Variants in RANBP2 observed in about 807,000 individuals in gnomAD.
The protein encoded by RANBP2 is RAN binding protein 2, also known as E3 SUMO-protein ligase RanBP2.
In RANBP2, 57 loss-of-function variants were observed where a neutral mutation model predicts 303.6. The ratio of observed to expected loss-of-function variants is 0.19; its 90% CI spans 0.15 to 0.23. The LOEUF is 0.23. Among genes scored for constraint, RANBP2 ranks in the 10% least tolerant of loss-of-function variants. The pLI is 1.00. For missense variants in RANBP2, 3,138 were observed against 3,780.8 expected, an observed-to-expected ratio of 0.83 and a Z score of 4.46; for synonymous variants, 1,167 against 1,301.5, an observed-to-expected ratio of 0.90 and a Z score of 2.23.
chr2:109,479,061 T>C, the RANBP2 span, among the ~76,000 whole-genome samples: 2 of 152,322 alleles, frequency 1.3e-5, no homozygotes, highest in South Asian at 2.1e-4. Flanking sequence ...TGTTGACTGC[T>C]GGCTGGAACC....
chr2:109,013,073 A>G, the RANBP2 span, among the ~76,000 whole-genome samples: 1 of 152,202 alleles, frequency 6.6e-6, no homozygotes, highest in Non-Finnish European at 1.5e-5. Context: ...CTTATTTAAG[A>G]TTTTGCAGAA....
At chr2:108,989,583 CTGTT>C in the RANBP2 span, among the ~76,000 whole-genome samples, 2 of 152,146 alleles carry the variant, frequency 1.3e-5, no homozygotes, top group Non-Finnish European at 2.9e-5. Context: ...TCCAACATGT[CTGTT>C]CACATTCTCA....
Position 108,751,536 on chromosome 2 carries a change from C to T in RANBP2, c.1464C>T (p.Leu488=), listed in dbSNP as rs781095524. The part of the protein sequence containing the change: ...SICILDLEVF[L]LGVVYTSHLQ... ...TTCCTTAAATAAAACAGGTATTTCTCCTTGGAGTAGTATATACCAGCCACT... is the reference window on the plus strand; with the variant it reads ...TTCCTTAAATAAAACAGGTATTTCTTCTTGGAGTAGTATATACCAGCCACT... The change falls in exon 11 of 29, where the codon CTC becomes CTT. Residue 488 remains leucine, a synonymous_variant. Transcript: ENST00000283195. 6.2e-7 allele frequency: 1 copy of T among 1,610,724 alleles called. No individual in the cohort carries two copies. Among genetic ancestry groups the T allele is most frequent in the Admixed American group, 1.7e-5 (1 of 59,920 alleles).
chr2:109,502,195 GGGT>G, the RANBP2 span: 1 of 152,630 alleles, frequency 6.6e-6, no homozygotes, highest in African/African-American at 2.4e-5. Context: ...GAGGCCCTGG[GGGT>G]GCCCCGGAAG....
chr2:109,161,851 T>C, the RANBP2 span, among the ~76,000 whole-genome samples: 1 of 151,904 alleles, frequency 6.6e-6, no homozygotes, highest in Non-Finnish European at 1.5e-5. Flanking sequence ...CCGTCCAACA[T>C]TGGGGATCAC....
At chr2:109,670,328 G>C in the RANBP2 span, among the ~76,000 whole-genome samples, 1 of 148,508 alleles carries the variant, frequency 6.7e-6, no homozygotes, top group Non-Finnish European at 1.5e-5. Context: ...GTGGGGGTGG[G>C]GGTTGGTTGG....
the RANBP2 span, among the ~76,000 whole-genome samples, chr2:108,843,891 T>C: frequency 4.2e-5 from 6 of 141,574 alleles, no homozygotes; most frequent in South Asian, 4.7e-4. Context: ...TCTTTCTTTT[T>C]TTTTTTTTTT....
the RANBP2 span, among the ~76,000 whole-genome samples, chr2:109,684,186 C>A: frequency 6.6e-6 from 1 of 151,826 alleles, no homozygotes; most frequent in East Asian, 1.9e-4. Flanking sequence ...AAATGATCCA[C>A]CCGCCTTAGC....
At chr2:109,351,346 A>C in the RANBP2 span, among the ~76,000 whole-genome samples, 1 of 152,224 alleles carries the variant, frequency 6.6e-6, no homozygotes, top group Non-Finnish European at 1.5e-5. Flanking sequence ...TCGCCTTCCC[A>C]GTCTCAGGAT....
At chr2:109,306,387 A>AT in the RANBP2 span, among the ~76,000 whole-genome samples, 1 of 152,174 alleles carries the variant, frequency 6.6e-6, no homozygotes, top group Non-Finnish European at 1.5e-5. Flanking sequence ...GTGCTTGGAG[A>AT]TTCCTCCTGG....
At chr2:108,803,441 A>AT in the RANBP2 span, among the ~76,000 whole-genome samples, 3 of 151,654 alleles carry the variant, frequency 2.0e-5, no homozygotes, top group African/African-American at 4.8e-5. Context: ...TTAAAAAAAA[A>AT]TTTTTTTTTA....
At chr2:109,157,754 A>G in the RANBP2 span, among the ~76,000 whole-genome samples, 1 of 152,180 alleles carries the variant, frequency 6.6e-6, no homozygotes, top group African/African-American at 2.4e-5. Flanking sequence ...TCTTGATGTC[A>G]TCAACAGGGA....
At chr2:109,279,296 G>A in the RANBP2 span, among the ~76,000 whole-genome samples, 1 of 152,216 alleles carries the variant, frequency 6.6e-6, no homozygotes, top group Admixed American at 6.5e-5. Flanking sequence ...GTTAACTGCT[G>A]CAAAGGGATT....
chr2:108,899,673 A>G, the RANBP2 span, among the ~76,000 whole-genome samples: 21,629 of 152,174 alleles, frequency 0.14, 2,645 homozygotes, highest in African/African-American at 0.33. Flanking sequence ...TTTATACTTC[A>G]TTCAAACTGG....
chr2:109,344,140 A>G, the RANBP2 span, among the ~76,000 whole-genome samples: 2 of 152,140 alleles, frequency 1.3e-5, no homozygotes, highest in Non-Finnish European at 2.9e-5. Context: ...TATAGAGGGG[A>G]CCTGCTACGC....
the RANBP2 span, among the ~76,000 whole-genome samples, chr2:109,179,648 G>T: frequency 6.6e-6 from 1 of 152,188 alleles, no homozygotes; most frequent in Non-Finnish European, 1.5e-5. Context: ...GGGCAAGAAT[G>T]TGCTAGCTAA....
At chr2:108,850,882 C>T in the RANBP2 span, among the ~76,000 whole-genome samples, 1 of 152,016 alleles carries the variant, frequency 6.6e-6, no homozygotes, top group Non-Finnish European at 1.5e-5. Flanking sequence ...AGGTTTTTCC[C>T]CACATACCAA....
the RANBP2 span, among the ~76,000 whole-genome samples, chr2:109,225,437 C>G: frequency 6.6e-6 from 1 of 152,220 alleles, no homozygotes; most frequent in African/African-American, 2.4e-5. Flanking sequence ...GATTCTCACA[C>G]AAACAACTCC....
At chr2:109,360,983 A>G in the RANBP2 span, among the ~76,000 whole-genome samples, 1 of 152,336 alleles carries the variant, frequency 6.6e-6, no homozygotes, top group African/African-American at 2.4e-5. Context: ...TTCTTTATCA[A>G]GTTGAAGAAG....
Sources: allele counts gnomAD v4.1 joint callset (sites outside exome capture counted in the v4.1 genomes callset), GRCh38; gene constraint gnomAD v4.1.1; transcripts MANE v1.5; gene names NCBI Gene and HGNC (gene_info 2026-07-23, HGNC 2026-07-21).